TF: variants seen among roughly 807,000 people sequenced by gnomAD.
TF encodes the protein transferrin.
Under a neutral mutation model 82.4 loss-of-function variants are expected in TF, and 55 were observed. The ratio of observed to expected loss-of-function variants is 0.67; its 90% CI spans 0.54 to 0.84. The LOEUF is 0.84. TF is among the 40% of genes least tolerant of loss of function. The pLI is 0.00. For missense variants in TF, 737 were observed against 868.4 expected (o/e 0.85, Z 1.90); for synonymous variants, 332 against 332.6 (o/e 1.00, Z 0.02).
upstream of TF, chr3:133,745,875 A>ACC (rs1933483432): frequency 6.4e-6 from 1 of 156,772 alleles, no homozygotes; most frequent in Admixed American, 6.3e-5. Flanking sequence ...ATTTCGAGGG[A>ACC]CACCTGGTGG....
At position 133,768,090 on chromosome 3, in the gene TF, G is replaced by T; in HGVS notation, c.1548G>T (p.Leu516=). The change falls in exon 13 of 17, where the codon CTG becomes CTT. Residue 516 remains leucine, a synonymous_variant. Transcript: ENST00000402696. ...GSKKDSSLCK[L]CMGSGLNLCE... ...AGAAAGACTCCAGTCTCTGTAAGCTGTGTATGGGCTCAGGCCTAAACCTGT... is the reference window on the plus strand; with the variant it reads ...AGAAAGACTCCAGTCTCTGTAAGCTTTGTATGGGCTCAGGCCTAAACCTGT... 1 of 1,614,224 alleles carries T rather than the reference G, an allele frequency of 6.2e-7. No individual in the cohort carries two copies. The highest frequency in any genetic ancestry group is 1.1e-5 in the South Asian group (1 of 91,084).
the TF span, among the ~76,000 whole-genome samples, chr3:133,718,704 C>T: frequency 6.6e-6 from 1 of 152,146 alleles, no homozygotes; most frequent in Admixed American, 6.5e-5. Context: ...AACAAGTTTC[C>T]AGCCAACACT....
At chr3:133,665,915 A>T in the TF span, among the ~76,000 whole-genome samples, 2,901 of 150,084 alleles carry the variant, frequency 0.019, 101 homozygotes, top group African/African-American at 0.068. Context: ...AGCCTGGGCA[A>T]AAAGAGCGAA....
chr3:133,739,224 G>A, the TF span, among the ~76,000 whole-genome samples: 10 of 152,088 alleles, frequency 6.6e-5, no homozygotes, highest in South Asian at 8.3e-4. Context: ...AAAGGATTCC[G>A]CATTTAATAA....
Position 133,748,560 on chromosome 3 carries a change from C to T in TF, c.192C>T (p.Tyr64=). 1.2e-6 allele frequency: 2 copies of T among 1,614,104 alleles called. No individual in the cohort carries two copies. The highest frequency in any genetic ancestry group is 2.2e-5 in the East Asian group (1 of 44,842). The change falls in exon 2 of 17, where the codon TAC becomes TAT. Residue 64 remains tyrosine, a synonymous_variant. Transcript: ENST00000402696. ...PSVACVKKAS[Y]LDCIRAIAAN... ...TTGCTTGTGTGAAGAAAGCCTCCTACCTTGATTGCATCAGGGCCATTGCGG... is the reference window on the plus strand; with the variant it reads ...TTGCTTGTGTGAAGAAAGCCTCCTATCTTGATTGCATCAGGGCCATTGCGG...
chr3:133,663,734 G>A, the TF span, among the ~76,000 whole-genome samples: 4 of 152,148 alleles, frequency 2.6e-5, no homozygotes, highest in Non-Finnish European at 4.4e-5. Context: ...TCCTGGGCAC[G>A]TGCTGTCTGC....
the TF span, among the ~76,000 whole-genome samples, chr3:133,725,922 T>C: frequency 6.6e-6 from 1 of 152,202 alleles, no homozygotes; most frequent in South Asian, 2.1e-4. Flanking sequence ...AATCATGTGG[T>C]TTTTGTCTTT....
At chr3:133,772,021 A>G (rs1227774414) in intron 14 of TF, among the ~76,000 whole-genome samples, 4 of 152,116 alleles carry the variant, frequency 2.6e-5, no homozygotes, top group Admixed American at 6.5e-5. Flanking sequence ...CAGCCCCTCC[A>G]GGAAGCCTTC....
At chr3:133,671,498 G>C in the TF span, among the ~76,000 whole-genome samples, 2 of 151,962 alleles carry the variant, frequency 1.3e-5, no homozygotes, top group African/African-American at 4.8e-5. Flanking sequence ...AAAAAGGCAA[G>C]AGAGGCCAGG....
chr3:133,691,497 T>C, the TF span, among the ~76,000 whole-genome samples: 4 of 152,084 alleles, frequency 2.6e-5, no homozygotes, highest in Non-Finnish European at 5.9e-5. Flanking sequence ...TTGATAAGGC[T>C]CAGAAGGAAA....
rs121918676 is a variant in TF, at chr3:133,756,969, G to A, written c.830G>A (p.Gly277Asp). ...ACCGTCGTGGCCCGAAGTATGGGCG[G>A]CAAGGAGGACTTGATCTGGGAGCTT... is the stretch of plus-strand genomic sequence containing the variant. Reference protein sequence around the residue: ...SHTVVARSMGGKEDLIWELLN... With the variant: ...SHTVVARSMGDKEDLIWELLN... Residue 277 changes from glycine (G) to aspartate (D), a missense_variant, in exon 7 of 17, where the codon GGC becomes GAC. By Grantham distance (94) the Gly-to-Asp change is moderately conservative. Coordinates refer to ENST00000402696, the MANE Select transcript of TF (RefSeq NM_001063.4). The A allele has an allele frequency of 2.5e-6, 4 of 1,614,038 alleles. No homozygotes were observed. Among genetic ancestry groups the A allele is most frequent in the Non-Finnish European group, 3.4e-6 (4 of 1,180,002 alleles).
At chr3:133,723,635 CTTTTAT>C in the TF span, among the ~76,000 whole-genome samples, 105 of 77,420 alleles carry the variant, frequency 1.4e-3, 1 homozygote, top group South Asian at 0.018. Flanking sequence ...CTGTTTGGTT[CTTTTAT>C]TATTATTATT....
chr3:133,770,145 G>A (rs748996669), intron 13 of TF, among the ~76,000 whole-genome samples: 12 of 152,148 alleles, frequency 7.9e-5, no homozygotes, highest in Non-Finnish European at 5.9e-5. Context: ...ATGTTGCCTA[G>A]ACATTCGCCT....
At position 133,795,099 on chromosome 3, in the gene TF, G is replaced by A. The variant is rs1483182456; in HGVS notation, c.*16479G>A. 3.9e-5 allele frequency: 6 copies of A among 152,172 alleles called. No individual in the cohort carries two copies. The highest frequency in any genetic ancestry group is 1.4e-4 in the African/African-American group (6 of 41,436). The allele number at this position is 152,172 out of a possible 1,614,324, so 9.4% of individuals were successfully genotyped here. ...GAGTTGGCTAAACAGAAGAGTATCTGTGCAGCTGCTGGCACTCATGGCCTA... is the reference window on the plus strand; with the variant it reads ...GAGTTGGCTAAACAGAAGAGTATCTATGCAGCTGCTGGCACTCATGGCCTA... On this transcript the variant is annotated 3_prime_UTR_variant, in exon 17 of 17. Transcript: ENST00000402696.
chr3:133,679,576 T>TTTTTTTTTTTTTTTTTTTTTTTTTTTTC, the TF span, among the ~76,000 whole-genome samples: 1 of 146,964 alleles, frequency 6.8e-6, no homozygotes, highest in Non-Finnish European at 1.5e-5. Context: ...TGGCTTTTTT[T>TTTTTTTTTTTTTTTTTTTTTTTTTTTTC]TTTTTTTTTT....
the TF span, among the ~76,000 whole-genome samples, chr3:133,696,006 T>A: frequency 6.6e-6 from 1 of 152,222 alleles, no homozygotes; most frequent in South Asian, 2.1e-4. Flanking sequence ...GTGAATTGCT[T>A]ATTCCTGGCA....
rs1047695638 is a variant in TF at position 133,792,868 on chromosome 3, G to A, written c.*14248G>A. ...ACTAAATTTAAAGGGGTATTTTCTGGTTTTTCCATAAATTGAACATCAAAA... is the reference window on the plus strand; with the variant it reads ...ACTAAATTTAAAGGGGTATTTTCTGATTTTTCCATAAATTGAACATCAAAA... On this transcript the variant is annotated 3_prime_UTR_variant, in exon 17 of 17. Coordinates refer to ENST00000402696, the MANE Select transcript of TF (RefSeq NM_001063.4). 2 of 152,042 alleles carry A rather than the reference G, an allele frequency of 1.3e-5. No homozygotes were observed. 9.4% of individuals were successfully genotyped at this position (152,042 alleles called of 1,614,324 possible).
chr3:133,765,133 C>G (rs1030794066), intron 11 of TF, among the ~76,000 whole-genome samples: 6 of 152,166 alleles, frequency 3.9e-5, no homozygotes, highest in African/African-American at 1.4e-4. Flanking sequence ...GTTTTGGCAT[C>G]CTCTGAGGAT....
chr3:133,676,245 A>G, the TF span, among the ~76,000 whole-genome samples: 2 of 152,112 alleles, frequency 1.3e-5, no homozygotes, highest in South Asian at 2.1e-4. Flanking sequence ...TTCATTCACT[A>G]ATAATTGCGT....
Sources: gnomAD v4.1 joint callset for allele counts (sites outside exome capture counted in the v4.1 genomes callset) on GRCh38, gnomAD v4.1.1 for gene constraint, MANE v1.5 for transcripts, NCBI Gene and HGNC (gene_info 2026-07-23, HGNC 2026-07-21) for gene names.